PKP4: variants seen among roughly 807,000 people sequenced by gnomAD.
PKP4 encodes plakophilin 4.
A neutral mutation model predicts 145.1 loss-of-function variants in PKP4; 90 were observed. That is an observed-to-expected ratio of 0.62 (90% CI 0.52 to 0.74). PKP4 has a LOEUF of 0.74. PKP4 is among the 30% of genes least tolerant of loss of function. The pLI is 0.00. For synonymous variants in PKP4, 563 were observed against 577.2 expected (o/e 0.98, Z 0.35); for missense variants, 1,340 against 1,482.7 (o/e 0.90, Z 1.58).
intron 1 of PKP4, among the ~76,000 whole-genome samples, chr2:158,528,769 G>A (rs1463531626): frequency 6.6e-6 from 1 of 150,744 alleles, no homozygotes; most frequent in Non-Finnish European, 1.5e-5. Flanking sequence ...ACATGTAAGA[G>A]TTGGTCACAG....
intron 6 of PKP4, among the ~76,000 whole-genome samples, chr2:158,623,543 T>G (rs2052469652): frequency 6.6e-6 from 1 of 152,162 alleles, no homozygotes; most frequent in African/African-American, 2.4e-5. Flanking sequence ...CTTTTTTGCC[T>G]TGTTGTTTAC....
chr2:158,546,087 A>C (rs555751912), intron 2 of PKP4, among the ~76,000 whole-genome samples: 1 of 152,292 alleles, frequency 6.6e-6, no homozygotes, highest in South Asian at 2.1e-4. Context: ...TGACTGTCTG[A>C]AATGTATTCT....
chr2:158,459,424 A>G lies in PKP4; in HGVS notation c.-6+2206A>G, dbSNP rs903692293. Among the ~76,000 whole-genome samples, 17 of 140,728 alleles carry G rather than the reference A, an allele frequency of 1.2e-4. No individual in the cohort carries two copies. In the South Asian group the frequency reaches 3.2e-3, roughly 27 times the overall value. 92.3% of individuals were successfully genotyped at this position (140,728 alleles called of 152,430 possible). A position where few individuals can be genotyped will look rare whatever the true frequency, so the allele number is the denominator to read the frequency against. The stretch of plus-strand genomic sequence containing the variant: ...CACCTACTTTGTGTAGATCATGGAC[A>G]TTGAAAACTATTAAATAGGAGCCTT... On this transcript the variant is annotated intron_variant, in intron 1 of 21. Coordinates refer to ENST00000389759, the MANE Select transcript of PKP4 (RefSeq NM_003628.6).
chr2:158,458,751 T>C (rs1689299014), intron 1 of PKP4, among the ~76,000 whole-genome samples: 1 of 152,124 alleles, frequency 6.6e-6, no homozygotes, highest in Admixed American at 6.5e-5. Flanking sequence ...TAATACATAA[T>C]GAATAGAAAC....
At chr2:158,467,710 G>A (rs1276096902) in intron 1 of PKP4, among the ~76,000 whole-genome samples, 3 of 152,100 alleles carry the variant, frequency 2.0e-5, no homozygotes, top group East Asian at 1.9e-4. Context: ...AGCTGCGTGC[G>A]ATGGCATGTG....
intron 1 of PKP4, among the ~76,000 whole-genome samples, chr2:158,514,706 C>T (rs540313913): frequency 4.6e-5 from 7 of 152,178 alleles, no homozygotes; most frequent in Non-Finnish European, 8.8e-5. Context: ...TTTGGGAGGT[C>T]GAGGCGGGTG....
chr2:158,621,215 G>A lies in PKP4; in HGVS notation c.413-16G>A. On this transcript the variant is annotated splice_polypyrimidine_tract_variant and intron_variant, in intron 5 of 21. Transcript: ENST00000389759. ...AGTGTGTATAATAAAGATATTTCTT[G>A]GTTTCATTCTTACAGGATCATTGGG... 3 of 1,613,582 alleles carry A rather than the reference G, an allele frequency of 1.9e-6. No homozygotes were observed. Among genetic ancestry groups the A allele is most frequent in the Non-Finnish European group, 2.5e-6 (3 of 1,179,552 alleles).
chr2:158,653,908 C>T (rs932406933), intron 11 of PKP4, among the ~76,000 whole-genome samples: 1 of 152,310 alleles, frequency 6.6e-6, no homozygotes, highest in East Asian at 1.9e-4. Context: ...CTTCCTGACC[C>T]ATTAAATGAA....
chr2:158,678,565 A>AAAT lies in PKP4; in HGVS notation c.3257-14_3257-12dup, dbSNP rs2058214187. 2 of 1,586,528 alleles carry AAAT rather than the reference A, an allele frequency of 1.3e-6. No homozygotes were observed. Among genetic ancestry groups the AAAT allele is most frequent in the Admixed American group, 3.3e-5 (2 of 59,968 alleles). ...AATAAGCACTAGTTTTAATTTCATA[A>AAAT]AATATTTTCTTACAGGCTCCAGCAA... On this transcript the variant is annotated splice_polypyrimidine_tract_variant and intron_variant, in intron 20 of 21. Transcript: ENST00000389759.
intron 2 of PKP4, among the ~76,000 whole-genome samples, chr2:158,549,453 C>T (rs960173240): frequency 2.0e-5 from 3 of 152,008 alleles, no homozygotes; most frequent in African/African-American, 7.3e-5. Context: ...CCTTCACCTA[C>T]GCCCCTGTGA....
chr2:158,636,049 GT>G (rs952596051), intron 9 of PKP4, among the ~76,000 whole-genome samples: 1 of 152,076 alleles, frequency 6.6e-6, no homozygotes, highest in African/African-American at 2.4e-5. Context: ...AAATCTGTGA[GT>G]TTTTTTATAG....
At chr2:158,509,218 A>C (rs915902897) in intron 1 of PKP4, among the ~76,000 whole-genome samples, 4 of 152,240 alleles carry the variant, frequency 2.6e-5, no homozygotes, top group Non-Finnish European at 5.9e-5. Context: ...TAATCAGTTC[A>C]ATTTTGTATA....
intron 2 of PKP4, among the ~76,000 whole-genome samples, chr2:158,569,307 C>T (rs754536754): frequency 6.6e-6 from 1 of 152,158 alleles, no homozygotes; most frequent in Non-Finnish European, 1.5e-5. Flanking sequence ...TAATATTGTT[C>T]ATCTCCTATT....
At position 158,479,223 on chromosome 2, in the gene PKP4, A is replaced by G. The variant is rs141377869; in HGVS notation, c.-6+22005A>G. 5.0e-3 allele frequency among the ~76,000 whole-genome samples: 752 copies of G among 151,884 alleles called. 5 individuals carry two copies. Among genetic ancestry groups the G allele is most frequent in the African/African-American group, 0.017 (722 of 41,492 alleles). On this transcript the variant is annotated intron_variant, in intron 1 of 21. Coordinates refer to ENST00000389759, the MANE Select transcript of PKP4 (RefSeq NM_003628.6). The stretch of plus-strand genomic sequence containing the variant: ...ATTTAATTTTTAAATTTATTTTATT[A>G]TTATTATTTATTTTTTGTCTTTTTT...
intron 10 of PKP4, 149 bp downstream of exon 10, chr2:158,640,908 T>A (rs558051744): frequency 8.0e-5 from 65 of 817,432 alleles, no homozygotes; most frequent in Non-Finnish European, 1.2e-4. Flanking sequence ...CACTTAACTA[T>A]GCATTTCAGT....
intron 2 of PKP4, among the ~76,000 whole-genome samples, chr2:158,547,723 G>A (rs1479470715): frequency 2.0e-5 from 3 of 152,186 alleles, no homozygotes; most frequent in Non-Finnish European, 2.9e-5. Context: ...AAGAATCACA[G>A]TAAGACCCTG....
intron 10 of PKP4, among the ~76,000 whole-genome samples, chr2:158,641,989 A>G (rs1170185485): frequency 6.6e-6 from 1 of 151,988 alleles, no homozygotes; most frequent in African/African-American, 2.4e-5. Flanking sequence ...CAGGAAAAGT[A>G]TCATCTACAA....
At chr2:158,555,884 A>G (rs940423010) in intron 2 of PKP4, among the ~76,000 whole-genome samples, 4 of 152,198 alleles carry the variant, frequency 2.6e-5, no homozygotes, top group South Asian at 2.1e-4. Flanking sequence ...AAGTCCAAGT[A>G]TAATCTACTC....
chr2:158,464,330 A>T (rs895637289), intron 1 of PKP4, among the ~76,000 whole-genome samples: 4 of 152,224 alleles, frequency 2.6e-5, no homozygotes, highest in Non-Finnish European at 5.9e-5. Flanking sequence ...ACATATAGAC[A>T]ATCTACCAGT....
Sources: gnomAD v4.1 joint callset for allele counts (sites outside exome capture counted in the v4.1 genomes callset) on GRCh38, gnomAD v4.1.1 for gene constraint, MANE v1.5 for transcripts, NCBI Gene and HGNC (gene_info 2026-07-23, HGNC 2026-07-21) for gene names.